Variants in TRAPPC10 observed in about 807,000 individuals in gnomAD.
TRAPPC10 encodes trafficking protein particle complex subunit 10.
TRAPPC10 carries 23 observed loss-of-function variants against 125.5 expected under a neutral mutation model. The ratio of observed to expected loss-of-function variants is 0.18; its 90% confidence interval spans 0.13 to 0.26. The LOEUF (loss-of-function observed/expected upper bound fraction) is 0.26. TRAPPC10 is among the 10% of genes least tolerant of loss of function. The pLI, the probability that TRAPPC10 is intolerant of heterozygous loss-of-function variation, is 1.00. For missense variants in TRAPPC10, 1,123 were observed against 1,308.4 expected, an observed-to-expected ratio of 0.86 and a Z score of 2.19; for synonymous variants, 509 against 518.0, an observed-to-expected ratio of 0.98 and a Z score of 0.24.
At chr21:44,058,959 G>C (rs892132377) in intron 5 of TRAPPC10, 144 bp from the exon 6 acceptor site, 5 of 569,098 alleles carry the variant, frequency 8.8e-6, no homozygotes, top group East Asian at 6.1e-5. Flanking sequence ...ATATGCGGTC[G>C]TCACATTGGT....
chr21:44,079,547 T>C lies in TRAPPC10; in HGVS notation c.1470-17T>C. 1 of 1,583,752 alleles carries C rather than the reference T, an allele frequency of 6.3e-7. No homozygotes were observed. Among genetic ancestry groups the C allele is most frequent in the Non-Finnish European group, 8.5e-7 (1 of 1,172,568 alleles). ...TCCCTAGCTGTAATGAAAGCTACTG[T>C]TTGTTGACTTTGCAAGGAGGAAAAA... On this transcript the variant is annotated splice_polypyrimidine_tract_variant and intron_variant, in intron 11 of 22. Coordinates refer to ENST00000291574, the MANE Select transcript of TRAPPC10 (RefSeq NM_003274.5).
At position 44,084,060 on chromosome 21, in the gene TRAPPC10, C is replaced by T. The variant is rs112627706; in HGVS notation, c.2239-62C>T. 5.3e-4 allele frequency: 849 copies of T among 1,599,714 alleles called. 3 individuals are homozygous for T. The African/African-American group carries it at 5.8e-3, about 11-fold the overall frequency. On this transcript the variant is annotated intron_variant, in intron 14 of 22. Coordinates refer to ENST00000291574, the MANE Select transcript of TRAPPC10 (RefSeq NM_003274.5). Reference sequence around the variant, plus strand: ...CAGAGAGACCGCTGCACCGCGCTACCGCAGGAAGCTAACTGCAAAACTGGG... The same window carrying T: ...CAGAGAGACCGCTGCACCGCGCTACTGCAGGAAGCTAACTGCAAAACTGGG...
At chr21:44,074,650 G>C (rs2037142734) in intron 8 of TRAPPC10, among the ~76,000 whole-genome samples, 180 bp downstream of exon 8, 1 of 152,224 alleles carries the variant, frequency 6.6e-6, no homozygotes, top group African/African-American at 2.4e-5. Context: ...ACCACATGTC[G>C]ATGTAGTCAG....
Position 44,087,053 on chromosome 21 carries a change from C to A in TRAPPC10, c.2539+93C>A. ...TGAGCCTGGCCTTGCTGCCATCCTG[C>A]TGAGCGCCCCTCAACAGTGTCTGGA... On this transcript the variant is annotated intron_variant, in intron 16 of 22. Transcript: ENST00000291574. This position sits in a 1 kb window ranked among gnomAD's most constrained non-coding sequence, Gnocchi z 4.6. 1 of 1,433,594 alleles carries A rather than the reference C, an allele frequency of 7.0e-7. No individual in the cohort carries two copies. Among genetic ancestry groups the A allele is most frequent in the Non-Finnish European group, 9.6e-7 (1 of 1,047,034 alleles). 88.8% of individuals were successfully genotyped at this position (1,433,594 alleles called of 1,614,324 possible). A position where few individuals can be genotyped will look rare whatever the true frequency, so the allele number is the denominator to read the frequency against.
chr21:44,074,199 C>A, intron 7 of TRAPPC10, 125 bp from the exon 8 acceptor site: 1 of 1,148,188 alleles, frequency 8.7e-7, no homozygotes, highest in Non-Finnish European at 1.3e-6. Flanking sequence ...TATCACAGAA[C>A]TGTTAGATGA....
In TRAPPC10 at chr21:44,087,174, C is replaced by T; in HGVS notation, c.2539+214C>T. On this transcript the variant is annotated intron_variant, in intron 16 of 22. Transcript: ENST00000291574. This position sits in a 1 kb window ranked among gnomAD's most constrained non-coding sequence, Gnocchi z 4.6. ...GTGGTTCACACGCTGAGTGGCCGAG[C>T]AGTGCTTGTCTGGCTGAGGATTAGG... 6.6e-6 allele frequency among the ~76,000 whole-genome samples: 1 copy of T among 152,238 alleles called. No homozygotes were observed. Among genetic ancestry groups the T allele is most frequent in the East Asian group, 1.9e-4 (1 of 5,200 alleles).
intron 3 of TRAPPC10, among the ~76,000 whole-genome samples, chr21:44,047,565 T>TGTGTGCGCGCGC (rs954810521): frequency 6.8e-6 from 1 of 147,092 alleles, no homozygotes; most frequent in South Asian, 2.2e-4. Flanking sequence ...TGTGTGTGTG[T>TGTGTGCGCGCGC]GCGCGCACAC....
chr21:44,037,030 T>G (rs2034034591), intron 2 of TRAPPC10, among the ~76,000 whole-genome samples: 1 of 152,190 alleles, frequency 6.6e-6, no homozygotes, highest in South Asian at 2.1e-4. Flanking sequence ...ATCAGCATAG[T>G]CCCATTCATG....
chr21:44,047,626 TCCTTTTTC>T (rs1013290195), intron 3 of TRAPPC10, among the ~76,000 whole-genome samples: 12 of 151,894 alleles, frequency 7.9e-5, no homozygotes, highest in African/African-American at 2.7e-4. Flanking sequence ...TTTTTTGTAG[TCCTTTTTC>T]CCTTTTTCTT....
intron 7 of TRAPPC10, among the ~76,000 whole-genome samples, chr21:44,064,082 C>T (rs2036248270): frequency 6.6e-6 from 1 of 152,188 alleles, no homozygotes; most frequent in Non-Finnish European, 1.5e-5. Context: ...TGAGCTGTCT[C>T]CACGGGGAAG....
At chr21:44,029,980 A>T (rs993689525) in intron 1 of TRAPPC10, among the ~76,000 whole-genome samples, 3 of 152,206 alleles carry the variant, frequency 2.0e-5, no homozygotes, top group Admixed American at 1.3e-4. Context: ...GTCAGATGAC[A>T]CTTTTGCCAC....
Position 44,019,095 on chromosome 21 carries a change from C to T in TRAPPC10, c.67+6535C>T, listed in dbSNP as rs896939831. Among the ~76,000 whole-genome samples, 4 of 151,990 alleles carry T rather than the reference C, an allele frequency of 2.6e-5. No individual in the cohort carries two copies. The East Asian group carries it at 7.7e-4, about 29-fold the overall frequency. On this transcript the variant is annotated intron_variant, in intron 1 of 22. Coordinates refer to ENST00000291574, the MANE Select transcript of TRAPPC10 (RefSeq NM_003274.5). The stretch of plus-strand genomic sequence containing the variant: ...TTTTTAAGACATGGTCTCACTGTGT[C>T]GCCCAGACTGGAGTGCAGTGGCATG...
rs1395049975 is a variant in TRAPPC10, at chr21:44,083,212, A to G, written c.2148A>G (p.Ser716=). 6.2e-7 allele frequency: 1 copy of G among 1,614,046 alleles called. No homozygotes were observed. Among genetic ancestry groups the G allele is most frequent in the African/African-American group, 1.3e-5 (1 of 74,956 alleles). ...GCAGCTCCTCTCTAGAGATGCCCTCAGGGGTGGCTCTGGAGGAGGGTGCCC... is the reference window on the plus strand; with the variant it reads ...GCAGCTCCTCTCTAGAGATGCCCTCGGGGGTGGCTCTGGAGGAGGGTGCCC... ...QESSSSLEMP[S]GVALEEGAHV... Residue 716 remains serine, a synonymous_variant, in exon 14 of 23, where the codon TCA becomes TCG. Coordinates refer to ENST00000291574, the MANE Select transcript of TRAPPC10 (RefSeq NM_003274.5).
At chr21:44,046,351 A>G (rs1162696608) in intron 3 of TRAPPC10, 5 of 276,714 alleles carry the variant, frequency 1.8e-5, no homozygotes, top group African/African-American at 9.2e-5. Flanking sequence ...CATCCTTTAG[A>G]CAGTCCGCTG....
At chr21:44,091,472 G>C (rs142342646) in intron 18 of TRAPPC10, among the ~76,000 whole-genome samples, 7 of 151,774 alleles carry the variant, frequency 4.6e-5, no homozygotes, top group Non-Finnish European at 1.0e-4. Flanking sequence ...ATGGAGTCTC[G>C]CCCTGTCACC....
rs2038190463 is a variant in TRAPPC10 at position 44,087,121 on chromosome 21, G to A, written c.2539+161G>A. Among the ~76,000 whole-genome samples, 1 of 152,206 alleles carries A rather than the reference G, an allele frequency of 6.6e-6. No homozygotes were observed. The highest frequency in any genetic ancestry group is 1.5e-5 in the Non-Finnish European group (1 of 68,042). ...GCCCTGCGGCCTGATGCCTGTGCTG[G>A]GGTCCCATCTGAGGTGATAAACTGA... On this transcript the variant is annotated intron_variant, in intron 16 of 22. Coordinates refer to ENST00000291574, the MANE Select transcript of TRAPPC10 (RefSeq NM_003274.5). This position sits in a 1 kb window ranked among gnomAD's most constrained non-coding sequence, Gnocchi z 4.6.
intron 3 of TRAPPC10, among the ~76,000 whole-genome samples, chr21:44,051,820 GT>G (rs1292111432): frequency 2.0e-5 from 3 of 152,232 alleles, no homozygotes; most frequent in Non-Finnish European, 4.4e-5. Flanking sequence ...CTTGCCTGGG[GT>G]TCCTGTGGGC....
chr21:44,063,836 A>C lies in TRAPPC10; in HGVS notation c.1038+51A>C. On this transcript the variant is annotated intron_variant, in intron 7 of 22. Transcript: ENST00000291574. The surrounding 1 kb of genome is among the most constrained non-coding windows in gnomAD (Gnocchi z 4.4). Reference sequence around the variant, plus strand: ...CCCGTTTCTTGATTGTTCCAGCAGAAATCTCTGAACCTTGAGATCCCAGGC... The same window carrying C: ...CCCGTTTCTTGATTGTTCCAGCAGACATCTCTGAACCTTGAGATCCCAGGC... 6.3e-7 allele frequency: 1 copy of C among 1,578,512 alleles called. No individual in the cohort carries two copies.
intron 2 of TRAPPC10, among the ~76,000 whole-genome samples, chr21:44,034,421 C>CA (rs2033835372): frequency 6.9e-6 from 1 of 144,652 alleles, no homozygotes; most frequent in Non-Finnish European, 1.5e-5. Flanking sequence ...TGAGGTGCTG[C>CA]AGAAGGCAAG....
Sources: allele counts gnomAD v4.1 joint callset (sites outside exome capture counted in the v4.1 genomes callset), GRCh38; gene constraint gnomAD v4.1.1; non-coding constraint Gnocchi (gnomAD v3.1); transcripts MANE v1.5; gene names NCBI Gene and HGNC (gene_info 2026-07-23, HGNC 2026-07-21).